The following FHOD3 variants were observed in gnomAD, a reference collection of about 807,000 sequenced individuals.
FHOD3 encodes the protein FH1/FH2 domain-containing protein 3.
FHOD3 carries 90 observed loss-of-function variants against 173.0 expected under a neutral mutation model. The observed-to-expected ratio is 0.52, with a 90% CI of 0.44 to 0.62. The LOEUF (loss-of-function observed/expected upper bound fraction) is 0.62. Among genes scored for constraint, FHOD3 ranks in the 20% least tolerant of loss-of-function variants. The pLI is 0.00. For missense variants in FHOD3, 1,945 were observed against 2,034.7 expected, an observed-to-expected ratio of 0.96 and a Z score of 0.85; for synonymous variants, 828 against 823.0, an observed-to-expected ratio of 1.01 and a Z score of -0.10.
Position 36,634,568 on chromosome 18 carries a change from G to A in FHOD3, c.1196+8819G>A, listed in dbSNP as rs60770834. Among the ~76,000 whole-genome samples the A allele has an allele frequency of 2.9e-3, 446 of 152,236 alleles. 4 individuals are homozygous for A. The highest frequency in any genetic ancestry group is 1.0e-2 in the African/African-American group (414 of 41,526). On this transcript the variant is annotated intron_variant, in intron 10 of 28. Transcript: ENST00000590592. ...CAAAAGACATACTGTGAGATGGGGT[G>A]TTATATGACGTTAATCTACAAAATC...
At chr18:36,303,692 T>C (rs1404839908) in intron 1 of FHOD3, among the ~76,000 whole-genome samples, 1 of 152,162 alleles carries the variant, frequency 6.6e-6, no homozygotes, top group Non-Finnish European at 1.5e-5. Context: ...AACTTTTCTG[T>C]CTTCAGAGGA....
chr18:36,474,437 T>A (rs776261306), intron 3 of FHOD3, among the ~76,000 whole-genome samples: 5 of 152,206 alleles, frequency 3.3e-5, no homozygotes, highest in Non-Finnish European at 7.3e-5. Flanking sequence ...TCTTGTCCTA[T>A]CTGGCTTCTG....
intron 3 of FHOD3, among the ~76,000 whole-genome samples, chr18:36,464,847 C>A (rs888636700): frequency 1.3e-5 from 2 of 152,128 alleles, no homozygotes; most frequent in African/African-American, 2.4e-5. Context: ...TCTCTCCCCC[C>A]TCTTTCTTCC....
At chr18:36,754,325 G>A (rs116346729) in intron 24 of FHOD3, among the ~76,000 whole-genome samples, 181 of 152,178 alleles carry the variant, frequency 1.2e-3, no homozygotes, top group African/African-American at 3.0e-3. Flanking sequence ...TATCATTTGC[G>A]TAATGTTGTT....
chr18:36,755,886 A>C (rs752746861), intron 25 of FHOD3, among the ~76,000 whole-genome samples: 16 of 152,112 alleles, frequency 1.1e-4, no homozygotes, highest in Non-Finnish European at 2.4e-4. Flanking sequence ...GAGGACAGTG[A>C]ATCCAGTAGG....
intron 17 of FHOD3, among the ~76,000 whole-genome samples, chr18:36,697,087 C>A (rs1048576957): frequency 1.3e-5 from 2 of 152,144 alleles, no homozygotes; most frequent in African/African-American, 2.4e-5. Context: ...GAGAAAGTTT[C>A]TCTGAGGATG....
chr18:36,363,990 TAC>T (rs1232888309), intron 2 of FHOD3, among the ~76,000 whole-genome samples: 1 of 152,174 alleles, frequency 6.6e-6, no homozygotes, highest in Non-Finnish European at 1.5e-5. Context: ...TGGATAATTA[TAC>T]AGTTTCAAGT....
intron 3 of FHOD3, among the ~76,000 whole-genome samples, chr18:36,432,131 C>T (rs1037418275): frequency 2.0e-5 from 3 of 152,122 alleles, no homozygotes; most frequent in African/African-American, 7.2e-5. Flanking sequence ...CATGGGCAGC[C>T]AAGGATCTTC....
chr18:36,450,307 C>A (rs2051754457), intron 3 of FHOD3, among the ~76,000 whole-genome samples: 1 of 152,140 alleles, frequency 6.6e-6, no homozygotes, highest in Non-Finnish European at 1.5e-5. Context: ...GGGAAGGCAG[C>A]CAGCGGAGCT....
chr18:36,415,437 A>G (rs2049585554), intron 3 of FHOD3, among the ~76,000 whole-genome samples: 2 of 152,300 alleles, frequency 1.3e-5, no homozygotes, highest in Admixed American at 6.5e-5. Flanking sequence ...AAGGGGAGAA[A>G]AAGTGGTTCT....
chr18:36,596,849 G>A (rs2148398881), intron 7 of FHOD3, among the ~76,000 whole-genome samples: 1 of 152,272 alleles, frequency 6.6e-6, no homozygotes, highest in East Asian at 1.9e-4. Flanking sequence ...AGTAGATCAT[G>A]GGGCCGGCCC....
At chr18:36,632,895 A>C (rs1010032332) in intron 10 of FHOD3, among the ~76,000 whole-genome samples, 1 of 152,214 alleles carries the variant, frequency 6.6e-6, no homozygotes, top group African/African-American at 2.4e-5. Context: ...AAAATTTTAG[A>C]GCAGGAAAGA....
chr18:36,322,808 T>C (rs1448236541), intron 1 of FHOD3, among the ~76,000 whole-genome samples: 1 of 152,140 alleles, frequency 6.6e-6, no homozygotes, highest in Admixed American at 6.5e-5. Flanking sequence ...CTCCTCCCCA[T>C]TTCCCTGATA....
chr18:36,705,052 C>G (rs1405962923), intron 17 of FHOD3, among the ~76,000 whole-genome samples: 3 of 152,214 alleles, frequency 2.0e-5, no homozygotes, highest in African/African-American at 7.2e-5. Context: ...GGGCCTCACT[C>G]CACAGCTCGC....
At chr18:36,617,446 G>A (rs2148687977) in intron 9 of FHOD3, among the ~76,000 whole-genome samples, 1 of 152,220 alleles carries the variant, frequency 6.6e-6, no homozygotes, top group South Asian at 2.1e-4. Context: ...GTTGATATAT[G>A]GATAACAGCT....
intron 3 of FHOD3, among the ~76,000 whole-genome samples, chr18:36,410,426 T>C (rs1000633620): frequency 1.3e-5 from 2 of 152,222 alleles, no homozygotes; most frequent in African/African-American, 4.8e-5. Flanking sequence ...TTTGAGTTGT[T>C]TCTATTATGA....
chr18:36,705,563 G>C (rs1330070164), intron 17 of FHOD3, among the ~76,000 whole-genome samples: 1 of 152,164 alleles, frequency 6.6e-6, no homozygotes, highest in Non-Finnish European at 1.5e-5. Flanking sequence ...TGGTGGCAGA[G>C]CTCACTCACT....
chr18:36,763,041 CGT>C (rs1265743723), intron 27 of FHOD3, among the ~76,000 whole-genome samples: 25 of 129,126 alleles, frequency 1.9e-4, no homozygotes, highest in African/African-American at 5.7e-4. Context: ...ATATAATATG[CGT>C]ATTATACACG....
At chr18:36,552,316 G>A (rs2057691683) in intron 5 of FHOD3, among the ~76,000 whole-genome samples, 1 of 152,056 alleles carries the variant, frequency 6.6e-6, no homozygotes, top group Non-Finnish European at 1.5e-5. Flanking sequence ...TGGGTGCATA[G>A]GAATGCTTGT....
Sources: gnomAD v4.1 joint callset for allele counts (sites outside exome capture counted in the v4.1 genomes callset) on GRCh38, gnomAD v4.1.1 for gene constraint, MANE v1.5 for transcripts, NCBI Gene and HGNC (gene_info 2026-07-23, HGNC 2026-07-21) for gene names.